Variants in ELL2 observed in about 807,000 individuals in gnomAD.
ELL2 encodes elongation factor for RNA polymerase II 2.
In ELL2, 21 loss-of-function variants were observed where a neutral mutation model predicts 72.8. That is an observed-to-expected ratio of 0.29 (90% CI 0.20 to 0.42). The LOEUF is 0.42. ELL2 is among the 10% of genes least tolerant of loss of function. The pLI, the probability that ELL2 is intolerant of heterozygous loss-of-function variation, is 1.00. For missense variants in ELL2, 568 were observed against 772.8 expected (o/e 0.73, Z 3.14); for synonymous variants, 266 against 283.2 (o/e 0.94, Z 0.61).
At chr5:95,905,254 CGT>C (rs1020422906) in intron 5 of ELL2, among the ~76,000 whole-genome samples, 4 of 149,638 alleles carry the variant, frequency 2.7e-5, no homozygotes, top group African/African-American at 4.9e-5. Flanking sequence ...CACACACACA[CGT>C]ATATATATAT....
At position 95,927,794 on chromosome 5, in the gene ELL2, TAC is replaced by T. The variant is rs758116490; in HGVS notation, c.196-8251_196-8250del. Among the ~76,000 whole-genome samples the T allele has an allele frequency of 5.0e-4, 45 of 89,590 alleles. 6 individuals carry two copies. The highest frequency in any genetic ancestry group is 7.6e-4 in the Non-Finnish European group (37 of 48,800). 58.8% of individuals were successfully genotyped at this position (89,590 alleles called of 152,430 possible). On this transcript the variant is annotated intron_variant, in intron 2 of 11. Coordinates refer to ENST00000237853, the MANE Select transcript of ELL2 (RefSeq NM_012081.6). Reference sequence around the variant, plus strand: ...ACACACATATGTGTGTATATAGACATACACACACACATATGTGTGTATATAGA... The same window carrying T: ...ACACACATATGTGTGTATATAGACATACACACACATATGTGTGTATATAGA...
At position 95,888,621 on chromosome 5, in the gene ELL2, C is replaced by T. The variant is rs1748543504; in HGVS notation, c.*250G>A. On this transcript the variant is annotated 3_prime_UTR_variant, in exon 12 of 12. Transcript: ENST00000237853. ...GATTTGAAATATAGACAATGGATCC[C>T]CAATACCTAAAAAAATTATTTCTAT... 3 of 291,146 alleles carry T rather than the reference C, an allele frequency of 1.0e-5. No individual in the cohort carries two copies. The highest frequency in any genetic ancestry group is 2.2e-5 in the African/African-American group (1 of 45,762). 18.0% of individuals were successfully genotyped at this position (291,146 alleles called of 1,614,324 possible). A position where few individuals can be genotyped will look rare whatever the true frequency, so the allele number is the denominator to read the frequency against.
intron 1 of ELL2, among the ~76,000 whole-genome samples, chr5:95,953,200 G>T (rs1751483906): frequency 1.3e-5 from 2 of 152,144 alleles, no homozygotes; most frequent in Non-Finnish European, 2.9e-5. Context: ...CACTTTCTTG[G>T]CAGGGACCAT....
intron 8 of ELL2, among the ~76,000 whole-genome samples, chr5:95,897,914 T>C (rs1307871844): frequency 6.6e-6 from 1 of 152,096 alleles, no homozygotes; most frequent in Non-Finnish European, 1.5e-5. Context: ...GAATGGCATA[T>C]AATAGGTCAT....
intron 4 of ELL2, among the ~76,000 whole-genome samples, chr5:95,909,101 T>C (rs1749483776): frequency 6.6e-6 from 1 of 152,168 alleles, no homozygotes; most frequent in Admixed American, 6.5e-5. Flanking sequence ...TCCCCATGCT[T>C]CCCCAAAGCA....
rs1748868079 is a variant in ELL2 at position 95,896,143 on chromosome 5, AT to A, written c.1526-453del. On this transcript the variant is annotated intron_variant, in intron 8 of 11. Coordinates refer to ENST00000237853, the MANE Select transcript of ELL2 (RefSeq NM_012081.6). ...CGACTGCTTTGGTCACTGTATTTTT[AT>A]TGCCTCCCTTTTTTGTATGCAGACA... Among the ~76,000 whole-genome samples, 5 of 152,276 alleles carry A rather than the reference AT, an allele frequency of 3.3e-5. No homozygotes were observed. In the South Asian group the frequency reaches 1.0e-3, roughly 32 times the overall value.
chr5:95,904,533 T>G (rs2112286417), intron 5 of ELL2, among the ~76,000 whole-genome samples: 1 of 152,382 alleles, frequency 6.6e-6, no homozygotes, highest in Middle Eastern at 3.4e-3. Flanking sequence ...CATCTTAGTT[T>G]ATTTTAAAAA....
At chr5:95,916,871 A>G (rs537005158) in intron 3 of ELL2, among the ~76,000 whole-genome samples, 6 of 152,214 alleles carry the variant, frequency 3.9e-5, no homozygotes, top group African/African-American at 1.4e-4. Context: ...CTGGTGGCAG[A>G]AAGTTTGTAT....
intron 4 of ELL2, 103 bp from the exon 5 acceptor site, chr5:95,906,885 A>C: frequency 8.0e-7 from 1 of 1,255,884 alleles, no homozygotes; most frequent in South Asian, 2.1e-5. Context: ...TTCTAGAGGA[A>C]ATAATAATAA....
chr5:95,903,208 CTTTTTTTTTTTTTTTT>C (rs35628427), intron 5 of ELL2, among the ~76,000 whole-genome samples: 3 of 56,216 alleles, frequency 5.3e-5, no homozygotes, highest in African/African-American at 7.3e-5. Flanking sequence ...CTCTTAGGAC[CTTTTTTTTTTTTTTTT>C]TTTTTTTTTT....
Position 95,898,521 on chromosome 5 carries a change from A to G in ELL2, c.1244T>C (p.Phe415Ser), listed in dbSNP as rs1256720811. ...CTCATAGATACTATCGTTTTGACTA[A>G]AACTGTCAACAGGTAGGTCTTGAGT... is the stretch of plus-strand genomic sequence containing the variant. ...RGTQDLPVDS[F>S]SQNDSIYEDQ... is the part of the protein sequence containing the mutation. Residue 415 changes from phenylalanine (F) to serine (S), a missense_variant, in exon 8 of 12, where the codon TTT becomes TCT. Phe to Ser is a radical substitution (Grantham distance 155). Around this residue, in one of 2 missense-constraint regions of ELL2, gnomAD observed 511 missense variants for 728.4 expected, o/e 0.70. Transcript: ENST00000237853. 2 of 1,614,158 alleles carry G rather than the reference A, an allele frequency of 1.2e-6. No individual in the cohort carries two copies. Among genetic ancestry groups the G allele is most frequent in the Admixed American group, 3.3e-5 (2 of 60,010 alleles).
intron 1 of ELL2, among the ~76,000 whole-genome samples, chr5:95,946,277 T>A (rs1300323734): frequency 1.3e-5 from 2 of 152,122 alleles, no homozygotes; most frequent in South Asian, 4.1e-4. Flanking sequence ...CAGGGGATAG[T>A]GGACAGAGCA....
At chr5:95,907,898 G>T (rs2112292509) in intron 4 of ELL2, among the ~76,000 whole-genome samples, 1 of 152,342 alleles carries the variant, frequency 6.6e-6, no homozygotes, top group East Asian at 1.9e-4. Context: ...ACTGGGGCAG[G>T]AGCTTTACTG....
chr5:95,951,300 T>G (rs554558356), intron 1 of ELL2, among the ~76,000 whole-genome samples: 14 of 151,748 alleles, frequency 9.2e-5, no homozygotes, highest in Non-Finnish European at 1.3e-4. Flanking sequence ...ACCCAGGAGG[T>G]GGAGCTTGCA....
In ELL2 at chr5:95,910,263, A is replaced by G. The variant is rs535265997; in HGVS notation, c.482-3481T>C. Among the ~76,000 whole-genome samples, 45 of 152,296 alleles carry G rather than the reference A, an allele frequency of 3.0e-4. No homozygotes were observed. The South Asian group carries it at 9.1e-3, about 31-fold the overall frequency. ...ACAAAGAGTAGAAATTGAAAAAAAT[A>G]ATAAGGAGGGTGGGCTGGAAGTTGG... On this transcript the variant is annotated intron_variant, in intron 4 of 11. Transcript: ENST00000237853.
chr5:95,945,767 C>T (rs1249547478), intron 1 of ELL2, among the ~76,000 whole-genome samples: 4 of 152,188 alleles, frequency 2.6e-5, no homozygotes, highest in Admixed American at 2.0e-4. Context: ...GGAATGGACA[C>T]TGTATGGTCA....
intron 2 of ELL2, among the ~76,000 whole-genome samples, chr5:95,940,398 T>C (rs1429777204): frequency 6.6e-6 from 1 of 152,184 alleles, no homozygotes; most frequent in Non-Finnish European, 1.5e-5. Context: ...GCTTAAAAGC[T>C]AACCAGCCAA....
intron 3 of ELL2, among the ~76,000 whole-genome samples, chr5:95,915,058 T>C (rs956918740): frequency 2.6e-5 from 4 of 152,168 alleles, no homozygotes; most frequent in Admixed American, 6.5e-5. Context: ...ATCATCTATA[T>C]CCAAACTTAA....
intron 2 of ELL2, among the ~76,000 whole-genome samples, chr5:95,928,178 C>G (rs2112327963): frequency 6.6e-6 from 1 of 152,150 alleles, no homozygotes; most frequent in East Asian, 1.9e-4. Flanking sequence ...GACTATGGAG[C>G]ATGAGAGAAC....
Sources: allele counts gnomAD v4.1 joint callset (sites outside exome capture counted in the v4.1 genomes callset), GRCh38; gene constraint gnomAD v4.1.1; regional missense constraint gnomAD v4.1.1; transcripts MANE v1.5; gene names NCBI Gene and HGNC (gene_info 2026-07-23, HGNC 2026-07-21).